The following HS6ST3 variants were observed in gnomAD, a reference collection of about 807,000 sequenced individuals.
HS6ST3 encodes heparan-sulfate 6-O-sulfotransferase 3.
A neutral mutation model predicts 36.7 loss-of-function variants in HS6ST3; 12 were observed. That is an observed-to-expected ratio of 0.33 (90% CI 0.21 to 0.53). The LOEUF (loss-of-function observed/expected upper bound fraction) is 0.53, where lower values mean the gene tolerates loss of function less well. HS6ST3 is among the 20% of genes least tolerant of loss of function. The pLI is 0.95. For synonymous variants in HS6ST3, 240 were observed against 257.5 expected (o/e 0.93, Z 0.65); for missense variants, 584 against 640.9 (o/e 0.91, Z 0.96).
intron 1 of HS6ST3, among the ~76,000 whole-genome samples, chr13:96,172,856 A>C (rs998018553): frequency 1.3e-5 from 2 of 152,218 alleles, no homozygotes; most frequent in Non-Finnish European, 2.9e-5. Context: ...AAAAATAATA[A>C]TACTTATCTC....
At chr13:96,266,141 G>T (rs1201558343) in intron 1 of HS6ST3, among the ~76,000 whole-genome samples, 1 of 152,108 alleles carries the variant, frequency 6.6e-6, no homozygotes, top group Non-Finnish European at 1.5e-5. Context: ...GCCAATAATT[G>T]GGTCTCTAAG....
At chr13:96,547,685 C>T (rs769552416) in intron 1 of HS6ST3, among the ~76,000 whole-genome samples, 11 of 152,074 alleles carry the variant, frequency 7.2e-5, no homozygotes, top group Non-Finnish European at 1.3e-4. Flanking sequence ...TTATCTGCCA[C>T]CTTGATTGTT....
chr13:96,754,082 G>C (rs144409822), intron 1 of HS6ST3, among the ~76,000 whole-genome samples: 1 of 152,240 alleles, frequency 6.6e-6, no homozygotes, highest in African/African-American at 2.4e-5. Flanking sequence ...GCCTCCCAAA[G>C]TGCTGGGATT....
intron 1 of HS6ST3, among the ~76,000 whole-genome samples, chr13:96,697,050 A>G (rs1875148270): frequency 6.6e-6 from 1 of 152,154 alleles, no homozygotes; most frequent in African/African-American, 2.4e-5. Flanking sequence ...ACTTATAATA[A>G]CTATAACTAT....
At chr13:96,823,399 G>A (rs139760781) in intron 1 of HS6ST3, among the ~76,000 whole-genome samples, 183 of 152,176 alleles carry the variant, frequency 1.2e-3, no homozygotes, top group African/African-American at 4.1e-3. Flanking sequence ...TCCATAAATG[G>A]AATATTATGC....
chr13:96,100,892 T>A (rs1216526375), intron 1 of HS6ST3, among the ~76,000 whole-genome samples: 1 of 152,226 alleles, frequency 6.6e-6, no homozygotes, highest in Non-Finnish European at 1.5e-5. Flanking sequence ...TGCCCTGTTG[T>A]GTTCTACAAA....
Position 96,280,044 on chromosome 13 carries a change from A to G in HS6ST3, c.707+188475A>G, listed in dbSNP as rs897774423. ...TGTGGACATAGCTTCTGGGTTTGTCAGCCCTTTGCCTTGGTGTCCTCAATC... is the reference window on the plus strand; with the variant it reads ...TGTGGACATAGCTTCTGGGTTTGTCGGCCCTTTGCCTTGGTGTCCTCAATC... On this transcript the variant is annotated intron_variant, in intron 1 of 1. Coordinates refer to ENST00000376705, the MANE Select transcript of HS6ST3 (RefSeq NM_153456.4). Among the ~76,000 whole-genome samples, 6 of 152,296 alleles carry G rather than the reference A, an allele frequency of 3.9e-5. 2 individuals are homozygous for G. The highest frequency in any genetic ancestry group is 1.4e-4 in the African/African-American group (6 of 41,576).
intron 1 of HS6ST3, among the ~76,000 whole-genome samples, chr13:96,154,762 A>G (rs1172811773): frequency 6.6e-6 from 1 of 152,166 alleles, no homozygotes; most frequent in Admixed American, 6.5e-5. Flanking sequence ...GCCTATTGTA[A>G]TAGGAAAACT....
chr13:96,481,391 T>G (rs55719006), intron 1 of HS6ST3, among the ~76,000 whole-genome samples: 11,913 of 152,238 alleles, frequency 0.078, 562 homozygotes, highest in African/African-American at 0.12. Context: ...TTCCTTTTAG[T>G]GGGGATCTGG....
chr13:96,629,093 T>A (rs2056523094), intron 1 of HS6ST3, among the ~76,000 whole-genome samples: 1 of 152,178 alleles, frequency 6.6e-6, no homozygotes, highest in Non-Finnish European at 1.5e-5. Flanking sequence ...CTATGCTTAT[T>A]TTTTTAGCAT....
intron 1 of HS6ST3, among the ~76,000 whole-genome samples, chr13:96,460,296 T>C (rs538277368): frequency 6.6e-6 from 1 of 152,204 alleles, no homozygotes; most frequent in African/African-American, 2.4e-5. Context: ...ATTTAGCAAA[T>C]TAAACAAGTG....
intron 1 of HS6ST3, among the ~76,000 whole-genome samples, chr13:96,157,496 T>C (rs1413642519): frequency 2.6e-5 from 4 of 152,110 alleles, no homozygotes; most frequent in Non-Finnish European, 5.9e-5. Context: ...CAGAAAGCAA[T>C]GAAGTATTTG....
intron 1 of HS6ST3, among the ~76,000 whole-genome samples, chr13:96,484,496 A>C (rs1401645299): frequency 6.6e-6 from 1 of 152,154 alleles, no homozygotes; most frequent in African/African-American, 2.4e-5. Context: ...TCCTTTGACC[A>C]AAATCTCTCC....
intron 1 of HS6ST3, among the ~76,000 whole-genome samples, chr13:96,224,422 A>C (rs948379868): frequency 1.3e-5 from 2 of 152,158 alleles, no homozygotes; most frequent in Non-Finnish European, 2.9e-5. Context: ...CCTGGGCTCA[A>C]GTGAACCTCC....
intron 1 of HS6ST3, among the ~76,000 whole-genome samples, chr13:96,719,194 A>G (rs1304544518): frequency 2.0e-5 from 3 of 152,108 alleles, no homozygotes; most frequent in Non-Finnish European, 4.4e-5. Context: ...GAATTGCTTG[A>G]ACCCGGGAGA....
At chr13:96,802,198 A>T (rs1878093158) in intron 1 of HS6ST3, among the ~76,000 whole-genome samples, 1 of 152,258 alleles carries the variant, frequency 6.6e-6, no homozygotes, top group East Asian at 1.9e-4. Context: ...ACAGCAATGG[A>T]CCCATTGTTA....
intron 1 of HS6ST3, among the ~76,000 whole-genome samples, chr13:96,209,765 A>G (rs963094521): frequency 6.6e-6 from 1 of 152,076 alleles, no homozygotes; most frequent in South Asian, 2.1e-4. Context: ...ATCCTTATAC[A>G]TAGCACGGCT....
At chr13:96,225,774 A>C (rs1242857763) in intron 1 of HS6ST3, among the ~76,000 whole-genome samples, 1 of 152,176 alleles carries the variant, frequency 6.6e-6, no homozygotes. Context: ...GTTTGTGACC[A>C]ACTAAAATTG....
At chr13:96,688,977 G>A (rs1874861794) in intron 1 of HS6ST3, among the ~76,000 whole-genome samples, 2 of 152,004 alleles carry the variant, frequency 1.3e-5, no homozygotes, top group Non-Finnish European at 2.9e-5. Flanking sequence ...CACCATCTTT[G>A]GAGTACCTAT....
Sources: gnomAD v4.1 joint callset for allele counts (sites outside exome capture counted in the v4.1 genomes callset) on GRCh38, gnomAD v4.1.1 for gene constraint, MANE v1.5 for transcripts, NCBI Gene and HGNC (gene_info 2026-07-23, HGNC 2026-07-21) for gene names.